Variants in KANK4 observed in about 807,000 individuals in gnomAD.
KANK4 encodes the protein KN motif and ankyrin repeat domain-containing protein 4.
KANK4 carries 50 observed loss-of-function variants against 80.8 expected under a neutral mutation model. That is an observed-to-expected ratio of 0.62 (90% CI 0.49 to 0.78). The LOEUF (loss-of-function observed/expected upper bound fraction) is 0.78, where lower values mean the gene tolerates loss of function less well. Among genes scored for constraint, KANK4 ranks in the 30% least tolerant of loss-of-function variants. The probability of loss-of-function intolerance (pLI) is 0.00; values close to 1 mark genes in which losing one functional copy is unlikely to be tolerated. For synonymous variants in KANK4, 465 were observed against 506.9 expected, an observed-to-expected ratio of 0.92 and a Z score of 1.11; for missense variants, 1,196 against 1,240.1, an observed-to-expected ratio of 0.96 and a Z score of 0.53.
intron 1 of KANK4, among the ~76,000 whole-genome samples, chr1:62,313,623 T>A (rs1470090732): frequency 6.6e-6 from 1 of 152,206 alleles, no homozygotes; most frequent in African/African-American, 2.4e-5. Context: ...CACCGCATGT[T>A]CTCATTCATA....
At chr1:62,253,910 C>A (rs941458065) in intron 7 of KANK4, among the ~76,000 whole-genome samples, 1 of 152,186 alleles carries the variant, frequency 6.6e-6, no homozygotes, top group African/African-American at 2.4e-5. Context: ...TGAAGTGGGT[C>A]AGGAACACTC....
intron 8 of KANK4, among the ~76,000 whole-genome samples, chr1:62,250,203 G>T (rs1473156998): frequency 1.3e-5 from 2 of 151,518 alleles, no homozygotes; most frequent in African/African-American, 4.9e-5. Context: ...GGCCAGGCTG[G>T]CCTCAAACTC....
chr1:62,245,961 G>A (rs563106807), intron 9 of KANK4, among the ~76,000 whole-genome samples: 3 of 152,276 alleles, frequency 2.0e-5, no homozygotes, highest in East Asian at 1.9e-4. Context: ...ATGATGGAAC[G>A]TTAAGGGTAT....
chr1:62,293,872 T>C (rs963118903), intron 1 of KANK4, among the ~76,000 whole-genome samples: 1 of 152,186 alleles, frequency 6.6e-6, no homozygotes, highest in Non-Finnish European at 1.5e-5. Flanking sequence ...CTCCCCAAGA[T>C]TGAAACTGGA....
intron 1 of KANK4, among the ~76,000 whole-genome samples, chr1:62,313,349 G>T (rs1458170016): frequency 6.6e-6 from 1 of 152,044 alleles, no homozygotes; most frequent in Non-Finnish European, 1.5e-5. Flanking sequence ...ACAACTCAAG[G>T]GAGTCTCTGT....
At chr1:62,306,206 T>C (rs1644449831) in intron 1 of KANK4, among the ~76,000 whole-genome samples, 1 of 151,938 alleles carries the variant, frequency 6.6e-6, no homozygotes, top group Admixed American at 6.6e-5. Flanking sequence ...CCCAGGCTGG[T>C]TTCAAACTGC....
chr1:62,256,376 C>T (rs1012048406), intron 7 of KANK4, among the ~76,000 whole-genome samples: 4 of 151,666 alleles, frequency 2.6e-5, no homozygotes, highest in Non-Finnish European at 5.9e-5. Context: ...CTCCACCCCA[C>T]AATTTTCCTT....
At chr1:62,263,069 G>A (rs1671926639) in intron 7 of KANK4, 23 bp downstream of exon 7, 2 of 1,570,178 alleles carry the variant, frequency 1.3e-6, no homozygotes, top group Admixed American at 1.7e-5. Flanking sequence ...GACCCAGACT[G>A]TATGAATGCA....
At chr1:62,268,644 G>A (rs1263862838) in intron 4 of KANK4, 139 bp from the exon 5 acceptor site, 2 of 687,726 alleles carry the variant, frequency 2.9e-6, no homozygotes, top group Non-Finnish European at 5.1e-6. Flanking sequence ...CTGCCGGCAG[G>A]GTGACAGGCT....
chr1:62,300,585 T>C (rs1449404180), intron 1 of KANK4, among the ~76,000 whole-genome samples: 2 of 152,020 alleles, frequency 1.3e-5, no homozygotes, highest in East Asian at 1.9e-4. Flanking sequence ...GATGAAAACA[T>C]GTATGGTGGG....
intron 1 of KANK4, among the ~76,000 whole-genome samples, chr1:62,304,903 A>G (rs1644439058): frequency 5.9e-5 from 9 of 152,046 alleles, no homozygotes; most frequent in Admixed American, 5.2e-4. Context: ...TCTGCTACCT[A>G]CCACTACTGT....
intron 2 of KANK4, among the ~76,000 whole-genome samples, chr1:62,280,602 A>T (rs1181668337): frequency 6.6e-6 from 1 of 152,188 alleles, no homozygotes; most frequent in African/African-American, 2.4e-5. Flanking sequence ...ATATATGGTG[A>T]TCTAGAAAAA....
rs1423287794 is a variant in KANK4, at chr1:62,263,293, T to C, written c.2338A>G (p.Ile780Val). The C allele has an allele frequency of 3.1e-6, 5 of 1,613,168 alleles. No homozygotes were observed. The highest frequency in any genetic ancestry group is 1.3e-5 in the African/African-American group (1 of 75,024). ...DQLLRQSLNT[I>V]SQEWFRVSSR... is the part of the protein sequence containing the mutation. ...GAGACGCGGAACCACTCTTGACTGA[T>C]GGTGTTCAAGCTTTGCCTCTGAAAC... The change falls in exon 7 of 10, where the codon ATC (isoleucine) becomes GTC (valine). Residue 780 changes from isoleucine to valine, a missense_variant. Transcript: ENST00000371153.
chr1:62,307,286 C>G (rs1453048955), intron 1 of KANK4, among the ~76,000 whole-genome samples: 1 of 151,902 alleles, frequency 6.6e-6, no homozygotes, highest in Non-Finnish European at 1.5e-5. Context: ...AGTTCGAGAC[C>G]AGCCGGGCCA....
intron 9 of KANK4, among the ~76,000 whole-genome samples, chr1:62,243,644 A>T (rs1671398417): frequency 6.6e-6 from 1 of 152,072 alleles, no homozygotes; most frequent in Non-Finnish European, 1.5e-5. Context: ...TGGATGGATA[A>T]TTGTTAATTC....
intron 9 of KANK4, among the ~76,000 whole-genome samples, chr1:62,239,066 CT>C (rs373105020): frequency 2.5e-3 from 350 of 140,426 alleles, no homozygotes; most frequent in Middle Eastern, 4.0e-3. Flanking sequence ...GTTGTTGGTT[CT>C]TTTTTTTTTT....
chr1:62,238,335 A>G lies in KANK4; in HGVS notation c.2930T>C (p.Met977Thr), dbSNP rs145877699. ...GGCTCTCAGAAGCCCAGCAATTTCC[A>G]TATGGGTGGGTGACTTCAGAGCGAT... ...LSIALKSPTH[M>T]EIAGLLRAHA... The change falls in exon 10 of 10, where the codon ATG (methionine) becomes ACG (threonine). Residue 977 changes from methionine (M) to threonine (T), a missense_variant. By Grantham distance (81) the Met-to-Thr change is moderately conservative (BLOSUM62 -1). Coordinates refer to ENST00000371153, the MANE Select transcript of KANK4 (RefSeq NM_181712.5). 7 of 1,614,032 alleles carry G rather than the reference A, an allele frequency of 4.3e-6. No individual in the cohort carries two copies. The Admixed American group carries it at 8.3e-5, about 19-fold the overall frequency.
chr1:62,295,791 G>A (rs1229861059), intron 1 of KANK4, among the ~76,000 whole-genome samples: 2 of 152,194 alleles, frequency 1.3e-5, no homozygotes, highest in Non-Finnish European at 1.5e-5. Context: ...TGTGGCCAGC[G>A]TCCCCAGTTT....
chr1:62,291,450 T>G (rs1672676408), intron 1 of KANK4, among the ~76,000 whole-genome samples: 1 of 152,228 alleles, frequency 6.6e-6, no homozygotes, highest in Non-Finnish European at 1.5e-5. Context: ...AACTAATTAA[T>G]TAATTTTTTT....
Sources: allele counts gnomAD v4.1 joint callset (sites outside exome capture counted in the v4.1 genomes callset), GRCh38; gene constraint gnomAD v4.1.1; transcripts MANE v1.5; gene names NCBI Gene and HGNC (gene_info 2026-07-23, HGNC 2026-07-21).